The following SNX24 variants were observed in gnomAD, a reference collection of about 807,000 sequenced individuals.
SNX24 encodes sorting nexin 24.
SNX24 carries 22 observed loss-of-function variants against 28.7 expected under a neutral mutation model. That is an observed-to-expected ratio of 0.77 (90% CI 0.55 to 1.10). SNX24 has a LOEUF of 1.10. SNX24 is among the 50% of genes least tolerant of loss of function. The pLI is 0.00. For synonymous variants in SNX24, 69 were observed against 71.5 expected (o/e 0.96, Z 0.18); for missense variants, 221 against 201.1 (o/e 1.10, Z -0.60).
At chr5:122,963,227 C>T (rs958226094) in intron 3 of SNX24, among the ~76,000 whole-genome samples, 1 of 152,186 alleles carries the variant, frequency 6.6e-6, no homozygotes, top group Non-Finnish European at 1.5e-5. Flanking sequence ...GAGTGAGACA[C>T]TGTCTCAAAA....
chr5:122,853,011 C>A (rs867956931), intron 1 of SNX24, among the ~76,000 whole-genome samples: 5 of 150,704 alleles, frequency 3.3e-5, no homozygotes, highest in African/African-American at 9.7e-5. Context: ...GTAACAAGGA[C>A]GTAGCTGGCA....
chr5:123,007,588 G>A, intron 6 of SNX24, 94 bp from the exon 7 acceptor site: 2 of 1,133,732 alleles, frequency 1.8e-6, no homozygotes, highest in Non-Finnish European at 2.5e-6. Context: ...CGTAAGCATT[G>A]CCTTGTTCCA....
chr5:122,915,285 T>C (rs891347198), intron 1 of SNX24, among the ~76,000 whole-genome samples: 2 of 152,106 alleles, frequency 1.3e-5, no homozygotes, highest in Admixed American at 1.3e-4. Context: ...TACTCCATCT[T>C]CCCTATTCAC....
chr5:122,943,298 C>T (rs4527599), intron 2 of SNX24, among the ~76,000 whole-genome samples: 1 of 152,274 alleles, frequency 6.6e-6, no homozygotes, highest in Admixed American at 6.5e-5. Context: ...TGCTTCCCTC[C>T]TGTGCTCATC....
chr5:123,011,697 T>C (rs1221925251), downstream of SNX24, among the ~76,000 whole-genome samples: 1 of 152,124 alleles, frequency 6.6e-6, no homozygotes, highest in Admixed American at 6.5e-5. Flanking sequence ...GGTGGAGAAA[T>C]TGCAACCCTT....
intron 1 of SNX24, among the ~76,000 whole-genome samples, chr5:122,918,220 G>A (rs1011432259): frequency 6.6e-6 from 1 of 152,190 alleles, no homozygotes; most frequent in African/African-American, 2.4e-5. Context: ...TGGGGTTAGA[G>A]CTTCAGCATA....
At chr5:122,892,095 A>C (rs1464659443) in intron 1 of SNX24, among the ~76,000 whole-genome samples, 1 of 152,168 alleles carries the variant, frequency 6.6e-6, no homozygotes, top group Non-Finnish European at 1.5e-5. Context: ...GGAATATTGA[A>C]AGCACAGTAT....
intron 3 of SNX24, among the ~76,000 whole-genome samples, chr5:122,953,559 G>A (rs1303791338): frequency 6.6e-6 from 1 of 151,354 alleles, no homozygotes; most frequent in East Asian, 1.9e-4. Context: ...GCAAGGTTGA[G>A]CTTCAGTCAT....
intron 5 of SNX24, among the ~76,000 whole-genome samples, chr5:123,027,594 T>A (rs1762880098): frequency 6.6e-6 from 1 of 152,246 alleles, no homozygotes; most frequent in Admixed American, 6.5e-5. Flanking sequence ...CCAGTCTACA[T>A]CCCCATACCC....
chr5:122,981,276 T>C (rs1439478065), intron 3 of SNX24, among the ~76,000 whole-genome samples: 1 of 152,212 alleles, frequency 6.6e-6, no homozygotes, highest in Non-Finnish European at 1.5e-5. Context: ...GACAACACCC[T>C]ACACTGAGTA....
chr5:122,917,213 T>G (rs1168509756), intron 1 of SNX24, among the ~76,000 whole-genome samples: 1 of 148,508 alleles, frequency 6.7e-6, no homozygotes, highest in Non-Finnish European at 1.5e-5. Context: ...GCCGAGATTG[T>G]GCCACTGCAC....
At chr5:123,001,475 G>A (rs750783317) in intron 5 of SNX24, 38 bp downstream of exon 5, 1 of 1,452,690 alleles carries the variant, frequency 6.9e-7, no homozygotes, top group Admixed American at 1.8e-5. Context: ...ATAGGATTAT[G>A]GTTTTGCTAA....
intron 3 of SNX24, among the ~76,000 whole-genome samples, chr5:122,966,341 C>T (rs768334958): frequency 1.3e-5 from 2 of 152,154 alleles, no homozygotes; most frequent in African/African-American, 2.4e-5. Context: ...CATAGGTATA[C>T]ATGTGCCATG....
At chr5:122,896,074 G>A (rs755157513) in intron 1 of SNX24, among the ~76,000 whole-genome samples, 3 of 152,182 alleles carry the variant, frequency 2.0e-5, no homozygotes, top group African/African-American at 7.2e-5. Context: ...ACTTGAACTG[G>A]GGGGCAGAGG....
intron 3 of SNX24, among the ~76,000 whole-genome samples, chr5:122,990,904 T>A (rs570657020): frequency 1.3e-5 from 2 of 152,270 alleles, no homozygotes; most frequent in South Asian, 4.1e-4. Context: ...ATGTATATAT[T>A]TATGTATTTA....
At chr5:122,965,611 C>T (rs760818806) in intron 3 of SNX24, 11 of 310,974 alleles carry the variant, frequency 3.5e-5, no homozygotes, top group African/African-American at 8.6e-5. Flanking sequence ...AAGACAGTGA[C>T]GAAATGGATG....
At chr5:122,995,810 A>C (rs918160202) in intron 3 of SNX24, among the ~76,000 whole-genome samples, 8 of 152,160 alleles carry the variant, frequency 5.3e-5, no homozygotes, top group Non-Finnish European at 1.2e-4. Context: ...GCAGCATCAG[A>C]ACTTCACCAC....
chr5:122,944,962 C>G (rs759874763), intron 2 of SNX24, among the ~76,000 whole-genome samples: 1 of 151,964 alleles, frequency 6.6e-6, no homozygotes, highest in Non-Finnish European at 1.5e-5. Flanking sequence ...CATTAGTTTC[C>G]TATTGCTGCT....
intron 1 of SNX24, among the ~76,000 whole-genome samples, chr5:122,875,993 C>T (rs950413012): frequency 2.0e-5 from 3 of 152,118 alleles, no homozygotes; most frequent in South Asian, 2.1e-4. Context: ...TACAGGTGTC[C>T]GCCACCACGT....
Sources: gnomAD v4.1 joint callset for allele counts (sites outside exome capture counted in the v4.1 genomes callset) on GRCh38, gnomAD v4.1.1 for gene constraint, MANE v1.5 for transcripts, NCBI Gene and HGNC (gene_info 2026-07-23, HGNC 2026-07-21) for gene names.